The following DLGAP2 variants were observed in gnomAD, a reference collection of about 807,000 sequenced individuals.
The protein encoded by DLGAP2 is disks large-associated protein 2.
DLGAP2 carries 26 observed loss-of-function variants against 100.3 expected under a neutral mutation model. The ratio of observed to expected loss-of-function variants is 0.26; its 90% CI spans 0.19 to 0.36. The LOEUF is 0.36. Among genes scored for constraint, DLGAP2 ranks in the 10% least tolerant of loss-of-function variants. DLGAP2 has a pLI of 1.00. For synonymous variants in DLGAP2, 886 were observed against 630.1 expected (o/e 1.41, Z -6.08); for missense variants, 1,858 against 1,453.2 (o/e 1.28, Z -4.53).
chr8:1,187,821 T>C (rs1427446021), intron 2 of DLGAP2, among the ~76,000 whole-genome samples: 32 of 81,406 alleles, frequency 3.9e-4, no homozygotes, highest in South Asian at 9.1e-4. Context: ...CGCCCGGGAC[T>C]TCCGTGATGT....
intron 2 of DLGAP2, among the ~76,000 whole-genome samples, chr8:1,134,868 G>C (rs1020503128): frequency 6.4e-4 from 98 of 152,206 alleles, no homozygotes; most frequent in African/African-American, 2.3e-3. Context: ...CAGTGTGGGG[G>C]AGACCTCCCT....
intron 2 of DLGAP2, among the ~76,000 whole-genome samples, chr8:1,033,524 T>A (rs1432255053): frequency 6.6e-6 from 1 of 152,082 alleles, no homozygotes; most frequent in Admixed American, 6.5e-5. Flanking sequence ...AGAAACTAGC[T>A]GGGCATGGTG....
intron 2 of DLGAP2, among the ~76,000 whole-genome samples, chr8:1,197,929 G>C (rs1797788124): frequency 6.6e-6 from 1 of 152,174 alleles, no homozygotes; most frequent in Admixed American, 6.5e-5. Flanking sequence ...CATCCTCCCA[G>C]AACTGGCCCA....
At chr8:809,303 C>T (rs535527203) in intron 1 of DLGAP2, among the ~76,000 whole-genome samples, 1 of 152,298 alleles carries the variant, frequency 6.6e-6, no homozygotes, top group East Asian at 1.9e-4. Context: ...AGTTCATAAA[C>T]AATTATTTTC....
At chr8:1,387,913 G>A (rs1459402002) in intron 3 of DLGAP2, among the ~76,000 whole-genome samples, 1 of 152,326 alleles carries the variant, frequency 6.6e-6, no homozygotes, top group African/African-American at 2.4e-5. Flanking sequence ...GTTCACCTGG[G>A]GGTCTGGAGC....
intron 12 of DLGAP2, among the ~76,000 whole-genome samples, chr8:1,683,989 C>CT (rs534537261): frequency 4.9e-4 from 18 of 36,502 alleles, no homozygotes; most frequent in East Asian, 1.9e-3. Flanking sequence ...TATATATATA[C>CT]TTTTTTTTTT....
At chr8:1,111,531 T>C (rs899307529) in intron 2 of DLGAP2, among the ~76,000 whole-genome samples, 2 of 152,200 alleles carry the variant, frequency 1.3e-5, no homozygotes, top group African/African-American at 4.8e-5. Flanking sequence ...TCAATAGTTA[T>C]ATTTCATGGT....
chr8:988,088 T>C (rs1471577526), intron 2 of DLGAP2, among the ~76,000 whole-genome samples: 1 of 152,216 alleles, frequency 6.6e-6, no homozygotes, highest in Non-Finnish European at 1.5e-5. Context: ...TCTATTCTCA[T>C]AGGCCCTGAT....
At chr8:1,655,084 A>G (rs1798253734) in intron 8 of DLGAP2, among the ~76,000 whole-genome samples, 1 of 152,244 alleles carries the variant, frequency 6.6e-6, no homozygotes, top group African/African-American at 2.4e-5. Context: ...TTGCTAATTA[A>G]CACATTCAAA....
chr8:1,223,096 T>C (rs1027454030), intron 2 of DLGAP2, among the ~76,000 whole-genome samples: 3 of 152,136 alleles, frequency 2.0e-5, no homozygotes, highest in Non-Finnish European at 2.9e-5. Context: ...GAGTCTCCCA[T>C]AGGTGGGATC....
At position 1,668,456 on chromosome 8, in the gene DLGAP2, C is replaced by T. The variant is rs759975717; in HGVS notation, c.1938C>T (p.Arg646=). ...CCCAGGACGCCTACCAGGACAGCCGCGCACAGAGGATGTCCCCGTGGCCCC... is the reference window on the plus strand; with the variant it reads ...CCCAGGACGCCTACCAGGACAGCCGTGCACAGAGGATGTCCCCGTGGCCCC... ...ESTQDAYQDS[R]AQRMSPWPQD... is the part of the protein sequence containing the mutation. Residue 646 remains arginine, a synonymous_variant, in exon 9 of 15, where the codon CGC becomes CGT. Coordinates refer to ENST00000637795, the MANE Select transcript of DLGAP2 (RefSeq NM_001346810.2). 145 of 1,596,324 alleles carry T rather than the reference C, an allele frequency of 9.1e-5. No individual in the cohort carries two copies. The highest frequency in any genetic ancestry group is 1.1e-4 in the East Asian group (5 of 43,648).
chr8:1,013,412 A>G (rs1243484030), intron 2 of DLGAP2, among the ~76,000 whole-genome samples: 1 of 152,096 alleles, frequency 6.6e-6, no homozygotes, highest in Non-Finnish European at 1.5e-5. Context: ...CTGACTCTCT[A>G]GGGAGAAAGA....
intron 6 of DLGAP2, among the ~76,000 whole-genome samples, chr8:1,580,027 C>T (rs1415852647): frequency 6.6e-6 from 1 of 152,208 alleles, no homozygotes; most frequent in Admixed American, 6.5e-5. Flanking sequence ...AAGAGCCCCG[C>T]CCATTTCCCA....
intron 1 of DLGAP2, among the ~76,000 whole-genome samples, chr8:827,227 C>G (rs776675446): frequency 1.3e-5 from 2 of 152,144 alleles, no homozygotes; most frequent in African/African-American, 2.4e-5. Flanking sequence ...ATTACCTAAC[C>G]TATAAAACTT....
intron 1 of DLGAP2, among the ~76,000 whole-genome samples, chr8:853,520 C>CA: frequency 1.3e-5 from 2 of 152,248 alleles, no homozygotes; most frequent in Admixed American, 1.3e-4. Flanking sequence ...GGGGATCCCC[C>CA]ACGACATCCA....
chr8:1,200,868 A>T (rs114752874), intron 2 of DLGAP2, among the ~76,000 whole-genome samples: 2,018 of 152,302 alleles, frequency 0.013, 45 homozygotes, highest in African/African-American at 0.046. Flanking sequence ...GCATCGAACG[A>T]TGCGTCCGCT....
intron 2 of DLGAP2, chr8:1,137,881 C>G (rs1796450444): frequency 1.3e-5 from 2 of 152,254 alleles, no homozygotes; most frequent in Admixed American, 6.5e-5. Context: ...ATCTCTGCCT[C>G]CGGGGTTCAA....
intron 2 of DLGAP2, among the ~76,000 whole-genome samples, chr8:952,855 C>T (rs1259931222): frequency 1.3e-5 from 2 of 152,074 alleles, no homozygotes; most frequent in African/African-American, 4.8e-5. Context: ...TATTTTGGTT[C>T]AGGTATATGA....
At chr8:758,939 C>T (rs1342604354) in intron 1 of DLGAP2, among the ~76,000 whole-genome samples, 1 of 146,522 alleles carries the variant, frequency 6.8e-6, no homozygotes, top group Non-Finnish European at 1.5e-5. Context: ...AACCACTACC[C>T]TCCCCAACAG....
Sources: gnomAD v4.1 joint callset for allele counts (sites outside exome capture counted in the v4.1 genomes callset) on GRCh38, gnomAD v4.1.1 for gene constraint, MANE v1.5 for transcripts, NCBI Gene and HGNC (gene_info 2026-07-23, HGNC 2026-07-21) for gene names.